The following ADAMTS18 variants were observed in gnomAD, a reference collection of about 807,000 sequenced individuals.
The protein encoded by ADAMTS18 is ADAM metallopeptidase with thrombospondin type 1 motif 18.
ADAMTS18 carries 157 observed loss-of-function variants against 165.9 expected under a neutral mutation model. The observed-to-expected ratio is 0.95, with a 90% CI of 0.83 to 1.08. ADAMTS18 has a LOEUF of 1.08. Among genes scored for constraint, ADAMTS18 ranks in the 50% least tolerant of loss-of-function variants. The pLI is 0.00. For missense variants in ADAMTS18, 2,040 were observed against 1,534.0 expected (o/e 1.33, Z -5.51); for synonymous variants, 782 against 578.2 (o/e 1.35, Z -5.06).
rs1162297004 is a variant in ADAMTS18 at position 77,353,777 on chromosome 16, G to A, written c.1570C>T (p.Gln524Ter). ...CATAACTTGGCTTTTGCTCCAAATT[G>A]CCATTTACACTGTGTGTCAGCATCA... ...IYDADTQCKW[Q>*]FGAKAKLCSL... The change falls in exon 10 of 23, where the codon CAA (glutamine) becomes TAA (stop). Residue 524 changes from glutamine to a stop codon, truncating the protein, a stop_gained. Coordinates refer to ENST00000282849, the MANE Select transcript of ADAMTS18 (RefSeq NM_199355.4). LOFTEE classifies it high-confidence loss of function. The A allele has an allele frequency of 1.2e-6, 2 of 1,614,062 alleles. No homozygotes were observed. The highest frequency in any genetic ancestry group is 3.3e-5 in the Admixed American group (2 of 60,004).
rs191504814 is a variant in ADAMTS18, at chr16:77,392,869, G to A, written c.496-25146C>T. On this transcript the variant is annotated intron_variant, in intron 3 of 22. Coordinates refer to ENST00000282849, the MANE Select transcript of ADAMTS18 (RefSeq NM_199355.4). ...TTAATCAGGCAATAAATGAGAAGGC[G>A]TAAATGGCATCTATTAAATCCTTTT... 3.8e-3 allele frequency among the ~76,000 whole-genome samples: 585 copies of A among 152,254 alleles called. 8 individuals are homozygous for A. Among genetic ancestry groups the A allele is most frequent in the Non-Finnish European group, 3.8e-3 (260 of 68,028 alleles).
chr16:77,308,963 G>T (rs2055730882), intron 16 of ADAMTS18, among the ~76,000 whole-genome samples: 1 of 152,094 alleles, frequency 6.6e-6, no homozygotes, highest in African/African-American at 2.4e-5. Context: ...TAAACATAAT[G>T]CAGTCACTGA....
rs974404604 is a variant in ADAMTS18, at chr16:77,364,333, T to C, written c.827A>G (p.Tyr276Cys). The change falls in exon 5 of 23, where the codon TAT (tyrosine) becomes TGT (cysteine). Residue 276 changes from tyrosine to cysteine, a missense_variant. By Grantham distance (194) the Tyr-to-Cys change is radical. Coordinates refer to ENST00000282849, the MANE Select transcript of ADAMTS18 (RefSeq NM_199355.4). ...TCTTCTGGGTCGCCCAGAGCTCCCATATTCATCAAACCTTAGATAGGTGTC... is the reference window on the plus strand; with the variant it reads ...TCTTCTGGGTCGCCCAGAGCTCCCACATTCATCAAACCTTAGATAGGTGTC... The part of the protein sequence containing the change: ...TEDTYLRFDE[Y>C]GSSGRPRRSA... 1 of 1,613,844 alleles carries C rather than the reference T, an allele frequency of 6.2e-7. No homozygotes were observed. The highest frequency in any genetic ancestry group is 8.5e-7 in the Non-Finnish European group (1 of 1,180,006).
intron 13 of ADAMTS18, among the ~76,000 whole-genome samples, chr16:77,325,201 T>C (rs1202019112): frequency 1.3e-5 from 2 of 152,186 alleles, no homozygotes; most frequent in East Asian, 1.9e-4. Flanking sequence ...TTTTGATAAA[T>C]CTAATGGATG....
chr16:77,331,952 A>T (rs2144662978), intron 12 of ADAMTS18, among the ~76,000 whole-genome samples: 1 of 152,332 alleles, frequency 6.6e-6, no homozygotes, highest in Admixed American at 6.5e-5. Context: ...CATCTTTTTT[A>T]AAATGTCCTT....
intron 10 of ADAMTS18, among the ~76,000 whole-genome samples, chr16:77,353,375 T>C (rs2056583659): frequency 6.6e-6 from 1 of 152,186 alleles, no homozygotes; most frequent in Admixed American, 6.5e-5. Flanking sequence ...TTGGGTATGG[T>C]GATGATTTGA....
chr16:77,384,743 CAAG>C (rs928880578), intron 3 of ADAMTS18, among the ~76,000 whole-genome samples: 3 of 152,114 alleles, frequency 2.0e-5, no homozygotes, highest in Non-Finnish European at 2.9e-5. Context: ...AAAATTTAGA[CAAG>C]AAGAGAAACG....
At chr16:77,334,025 C>T (rs1391446143) in intron 12 of ADAMTS18, among the ~76,000 whole-genome samples, 48 of 136,626 alleles carry the variant, frequency 3.5e-4, no homozygotes, top group African/African-American at 1.2e-3. Context: ...ATATAATATA[C>T]AGTGCAATAT....
At chr16:77,397,815 A>G (rs1275157934) in intron 3 of ADAMTS18, among the ~76,000 whole-genome samples, 1 of 152,188 alleles carries the variant, frequency 6.6e-6, no homozygotes, top group African/African-American at 2.4e-5. Flanking sequence ...CAACACTTGG[A>G]CCTTGATCCT....
intron 11 of ADAMTS18, 101 bp from the exon 12 acceptor site, chr16:77,336,005 G>A: frequency 7.0e-7 from 1 of 1,435,732 alleles, no homozygotes; most frequent in South Asian, 1.2e-5. Context: ...AGGTCTGTTG[G>A]GAGAAAAGGA....
chr16:77,294,316 C>T (rs2055424079), intron 19 of ADAMTS18, among the ~76,000 whole-genome samples: 1 of 152,074 alleles, frequency 6.6e-6, no homozygotes, highest in African/African-American at 2.4e-5. Flanking sequence ...CACCTCTACC[C>T]ACTAGATGCC....
At chr16:77,419,863 G>A (rs545037525) in intron 3 of ADAMTS18, among the ~76,000 whole-genome samples, 68 of 151,814 alleles carry the variant, frequency 4.5e-4, no homozygotes, top group Non-Finnish European at 9.1e-4. Context: ...AGCTGGGTAT[G>A]GTAGTGGCGC....
intron 3 of ADAMTS18, among the ~76,000 whole-genome samples, chr16:77,368,437 CT>C (rs892324445): frequency 0.053 from 6,993 of 132,820 alleles, 286 homozygotes; most frequent in African/African-American, 0.13. Context: ...TTCTTTTTTT[CT>C]TTTTTTTTTT....
chr16:77,418,751 G>T (rs1174164789), intron 3 of ADAMTS18, among the ~76,000 whole-genome samples: 1 of 152,196 alleles, frequency 6.6e-6, no homozygotes, highest in South Asian at 2.1e-4. Context: ...ATCTGAAAAG[G>T]GGACTATTTG....
chr16:77,310,359 G>T (rs1242429614), intron 16 of ADAMTS18, among the ~76,000 whole-genome samples: 1 of 152,150 alleles, frequency 6.6e-6, no homozygotes, highest in African/African-American at 2.4e-5. Context: ...AGTACTTCAG[G>T]ACAGTAGTAT....
Position 77,367,482 on chromosome 16 carries a change from C to A in ADAMTS18, c.737G>T (p.Arg246Leu). Residue 246 changes from arginine to leucine, a missense_variant, in exon 4 of 23, where the codon CGA (arginine) becomes CTA (leucine). Physicochemically the swap from Arg to Leu is moderately radical, Grantham distance 102. Coordinates refer to ENST00000282849, the MANE Select transcript of ADAMTS18 (RefSeq NM_199355.4). The stretch of plus-strand genomic sequence containing the variant: ...ACAAAAATGCTGCTTTTGCAACCTT[C>A]GATGGTGATACTCTGTCTCTCGACT... ...SQSRETEYHHRRLQKQHFCGR... is the reference protein window; with the variant it reads ...SQSRETEYHHLRLQKQHFCGR... 1 of 1,614,170 alleles carries A rather than the reference C, an allele frequency of 6.2e-7. No individual in the cohort carries two copies. Among genetic ancestry groups the A allele is most frequent in the South Asian group, 1.1e-5 (1 of 91,082 alleles).
intron 11 of ADAMTS18, 27 bp from the exon 12 acceptor site, chr16:77,335,931 C>T (rs780026561): frequency 1.2e-6 from 2 of 1,613,844 alleles, no homozygotes; most frequent in Admixed American, 1.7e-5. Context: ...TAAGATGGTT[C>T]CCGTCAGAGA....
chr16:77,329,950 T>C (rs999312377), intron 12 of ADAMTS18, among the ~76,000 whole-genome samples: 5 of 152,180 alleles, frequency 3.3e-5, no homozygotes, highest in African/African-American at 1.2e-4. Flanking sequence ...TGACTACAAA[T>C]AGTTACAATG....
intron 22 of ADAMTS18, 128 bp from the exon 23 acceptor site, chr16:77,284,199 C>G (rs2055204585): frequency 1.6e-6 from 1 of 641,160 alleles, no homozygotes; most frequent in African/African-American, 1.9e-5. Flanking sequence ...GATCTCCGCT[C>G]ACTGCAATCT....
Sources: gnomAD v4.1 joint callset for allele counts (sites outside exome capture counted in the v4.1 genomes callset) on GRCh38, gnomAD v4.1.1 for gene constraint, MANE v1.5 for transcripts, NCBI Gene and HGNC (gene_info 2026-07-23, HGNC 2026-07-21) for gene names.